Variants in SLCO3A1 observed in about 807,000 individuals in gnomAD.
SLCO3A1 encodes solute carrier organic anion transporter family member 3A1, also known as PGE1 transporter.
In SLCO3A1, 27 loss-of-function variants were observed where a neutral mutation model predicts 63.1. The ratio of observed to expected loss-of-function variants is 0.43; its 90% CI spans 0.32 to 0.59. The LOEUF is 0.59. Among genes scored for constraint, SLCO3A1 ranks in the 20% least tolerant of loss-of-function variants. SLCO3A1 has a pLI of 0.09. For synonymous variants in SLCO3A1, 473 were observed against 409.9 expected (o/e 1.15, Z -1.86); for missense variants, 773 against 945.8 (o/e 0.82, Z 2.40).
At chr15:92,019,399 T>C (rs2046479154) in intron 2 of SLCO3A1, among the ~76,000 whole-genome samples, 1 of 152,208 alleles carries the variant, frequency 6.6e-6, no homozygotes, top group Non-Finnish European at 1.5e-5. Flanking sequence ...AGCTCTTCCA[T>C]GCTAAGTGTT....
intron 2 of SLCO3A1, among the ~76,000 whole-genome samples, chr15:92,018,390 G>A (rs761585875): frequency 7.2e-5 from 11 of 152,154 alleles, no homozygotes; most frequent in East Asian, 1.9e-4. Flanking sequence ...TCAGCCTCAC[G>A]TGGTCACACC....
At chr15:92,075,798 C>T (rs1006474482) in intron 2 of SLCO3A1, among the ~76,000 whole-genome samples, 2 of 152,236 alleles carry the variant, frequency 1.3e-5, no homozygotes, top group African/African-American at 2.4e-5. Flanking sequence ...ATCTGCTCCA[C>T]GGCTTTGAGA....
intron 2 of SLCO3A1, among the ~76,000 whole-genome samples, chr15:92,019,792 G>A (rs1457902224): frequency 2.0e-5 from 3 of 152,332 alleles, no homozygotes; most frequent in Non-Finnish European, 4.4e-5. Flanking sequence ...GAGCCCAGCA[G>A]CCTTGCCACT....
intron 2 of SLCO3A1, among the ~76,000 whole-genome samples, chr15:92,076,773 C>T (rs530945376): frequency 1.5e-4 from 23 of 152,326 alleles, no homozygotes; most frequent in African/African-American, 5.1e-4. Context: ...TGTAGTCGCA[C>T]AGCCTGGCAT....
chr15:92,033,120 C>G lies in SLCO3A1; in HGVS notation c.647-61761C>G, dbSNP rs2046676279. Among the ~76,000 whole-genome samples the G allele has an allele frequency of 6.6e-6, 1 of 151,978 alleles. No individual in the cohort carries two copies. Among genetic ancestry groups the G allele is most frequent in the East Asian group, 1.9e-4 (1 of 5,192 alleles). On this transcript the variant is annotated intron_variant, in intron 2 of 9. Coordinates refer to ENST00000318445, the MANE Select transcript of SLCO3A1 (RefSeq NM_013272.4). This position sits in a 1 kb window ranked among gnomAD's most constrained non-coding sequence, Gnocchi z 4.5. ...ATTTATATAGAATTTTAGAATTTAC[C>G]AAAGAATCTCACGTGTAAAAAAAAC... is the stretch of plus-strand genomic sequence containing the variant.
chr15:92,167,176 C>T (rs558279887), downstream of SLCO3A1, among the ~76,000 whole-genome samples: 16 of 152,348 alleles, frequency 1.1e-4, no homozygotes, highest in East Asian at 1.5e-3. Flanking sequence ...CTGCCTGGTG[C>T]TATTCTTACC....
At chr15:92,167,220 C>A (rs1405362899), downstream of SLCO3A1, among the ~76,000 whole-genome samples, 3 of 152,226 alleles carry the variant, frequency 2.0e-5, no homozygotes, top group Non-Finnish European at 4.4e-5. Flanking sequence ...AACCACATAT[C>A]TGGCCAGAAG....
At chr15:92,028,381 C>T (rs147246966) in intron 2 of SLCO3A1, among the ~76,000 whole-genome samples, 46 of 152,318 alleles carry the variant, frequency 3.0e-4, no homozygotes, top group African/African-American at 9.4e-4. Context: ...AGCTCCGGCT[C>T]CTGCCCCTCA....
chr15:92,080,938 C>G lies in SLCO3A1; in HGVS notation c.647-13943C>G, dbSNP rs971127054. Among the ~76,000 whole-genome samples the G allele has an allele frequency of 2.1e-3, 268 of 128,978 alleles. 1 individual carries two copies. Among genetic ancestry groups the G allele is most frequent in the Non-Finnish European group, 3.6e-3 (220 of 61,706 alleles). 84.6% of individuals were successfully genotyped at this position (128,978 alleles called of 152,430 possible). A position where few individuals can be genotyped will look rare whatever the true frequency, so the allele number is the denominator to read the frequency against. ...TTTCATTTTTATGGATACATAGTAG[C>G]TGTGTGTGTGTGTGTGTGTGTGTGT... On this transcript the variant is annotated intron_variant, in intron 2 of 9. Transcript: ENST00000318445.
chr15:91,961,651 G>C (rs1426265894), intron 2 of SLCO3A1, among the ~76,000 whole-genome samples: 1 of 152,224 alleles, frequency 6.6e-6, no homozygotes, highest in African/African-American at 2.4e-5. Context: ...GCCCCTGCTT[G>C]TGGGTCTTCC....
chr15:92,125,483 C>T (rs539888121), intron 5 of SLCO3A1, among the ~76,000 whole-genome samples: 1 of 152,224 alleles, frequency 6.6e-6, no homozygotes, highest in Admixed American at 6.5e-5. Flanking sequence ...AGCTACAAAA[C>T]ATATTGATTG....
chr15:92,163,731 A>T lies in SLCO3A1; in HGVS notation c.*596A>T, dbSNP rs2151605915. 1 of 985,266 alleles carries T rather than the reference A, an allele frequency of 1.0e-6. No homozygotes were observed. Among genetic ancestry groups the T allele is most frequent in the South Asian group, 4.7e-5 (1 of 21,270 alleles). 61.0% of individuals were successfully genotyped at this position (985,266 alleles called of 1,614,324 possible). On this transcript the variant is annotated 3_prime_UTR_variant, in exon 10 of 10. Transcript: ENST00000318445. ...GGGTCACTGTGTAGACGACTCACCC[A>T]GTCTGCATGTGGTTCAAGGCCCCAG...
At chr15:92,070,729 G>C (rs1204666282) in intron 2 of SLCO3A1, among the ~76,000 whole-genome samples, 1 of 151,970 alleles carries the variant, frequency 6.6e-6, no homozygotes, top group Non-Finnish European at 1.5e-5. Context: ...AGTGGGAGGG[G>C]GCAGAGATGG....
At chr15:92,059,864 T>A (rs1191562441) in intron 2 of SLCO3A1, among the ~76,000 whole-genome samples, 1 of 152,162 alleles carries the variant, frequency 6.6e-6, no homozygotes, top group East Asian at 1.9e-4. Flanking sequence ...AATGCGTCGT[T>A]AGGCAATTTT....
At chr15:92,098,346 C>T (rs1431187183) in intron 3 of SLCO3A1, 5 of 152,338 alleles carry the variant, frequency 3.3e-5, no homozygotes, top group Non-Finnish European at 5.9e-5. Context: ...ACATGGGCTG[C>T]TCCCGCTGCT....
chr15:91,871,950 A>G (rs767817817), intron 1 of SLCO3A1, among the ~76,000 whole-genome samples: 8 of 151,954 alleles, frequency 5.3e-5, no homozygotes, highest in Non-Finnish European at 1.2e-4. Flanking sequence ...CTATTTCTGT[A>G]TGGTAGGTTG....
chr15:92,139,686 C>T (rs1201849730), intron 7 of SLCO3A1, among the ~76,000 whole-genome samples: 3 of 152,198 alleles, frequency 2.0e-5, no homozygotes, highest in Non-Finnish European at 4.4e-5. Context: ...GATTCAACTT[C>T]TTCCTGGTTT....
chr15:91,879,348 C>T (rs9806483), intron 1 of SLCO3A1, among the ~76,000 whole-genome samples: 94,286 of 150,992 alleles, frequency 0.62, 30,018 homozygotes, highest in East Asian at 0.82. Flanking sequence ...TACTTTGAAG[C>T]ACATTAGTTA....
chr15:91,940,480 G>A (rs1899581334), intron 2 of SLCO3A1, among the ~76,000 whole-genome samples: 1 of 152,202 alleles, frequency 6.6e-6, no homozygotes, highest in African/African-American at 2.4e-5. Flanking sequence ...ATATCACAGT[G>A]CCAAGGGGCC....
Sources: gnomAD v4.1 joint callset for allele counts (sites outside exome capture counted in the v4.1 genomes callset) on GRCh38, gnomAD v4.1.1 for gene constraint, Gnocchi (gnomAD v3.1) non-coding constraint, MANE v1.5 for transcripts, NCBI Gene and HGNC (gene_info 2026-07-23, HGNC 2026-07-21) for gene names.